The following SORCS3 variants were observed in gnomAD, a reference collection of about 807,000 sequenced individuals.
The protein encoded by SORCS3 is sortilin related VPS10 domain containing receptor 3.
A neutral mutation model predicts 146.3 loss-of-function variants in SORCS3; 57 were observed. The observed-to-expected ratio is 0.39, with a 90% confidence interval of 0.31 to 0.49. SORCS3 has a LOEUF of 0.49. Among genes scored for constraint, SORCS3 ranks in the 20% least tolerant of loss-of-function variants. The probability of loss-of-function intolerance (pLI) is 0.92; values close to 1 mark genes in which losing one functional copy is unlikely to be tolerated. For synonymous variants in SORCS3, 653 were observed against 618.5 expected, an observed-to-expected ratio of 1.06 and a Z score of -0.83; for missense variants, 1,341 against 1,575.5, an observed-to-expected ratio of 0.85 and a Z score of 2.52.
chr10:105,096,131 CAG>C (rs1491413850), intron 6 of SORCS3, among the ~76,000 whole-genome samples: 2 of 133,922 alleles, frequency 1.5e-5, no homozygotes, highest in African/African-American at 2.7e-5. Flanking sequence ...CACACACACA[CAG>C]ACACAAACAA....
intron 2 of SORCS3, among the ~76,000 whole-genome samples, chr10:104,866,681 A>T (rs2133564727): frequency 6.6e-6 from 1 of 152,334 alleles, no homozygotes; most frequent in South Asian, 2.1e-4. Flanking sequence ...AGTGTCTCTT[A>T]TTTGTAAATC....
intron 1 of SORCS3, among the ~76,000 whole-genome samples, chr10:104,694,860 A>G (rs1223411067): frequency 6.6e-6 from 1 of 152,202 alleles, no homozygotes; most frequent in African/African-American, 2.4e-5. Context: ...GAGATTATTG[A>G]TATAAGTGCC....
At chr10:105,007,637 T>A (rs2055104913) in intron 4 of SORCS3, among the ~76,000 whole-genome samples, 1 of 152,092 alleles carries the variant, frequency 6.6e-6, no homozygotes, top group Non-Finnish European at 1.5e-5. Context: ...CAGACCGTTT[T>A]TTCTGAACCC....
intron 16 of SORCS3, among the ~76,000 whole-genome samples, chr10:105,208,862 G>T (rs1466074990): frequency 6.6e-6 from 1 of 152,164 alleles, no homozygotes; most frequent in Non-Finnish European, 1.5e-5. Context: ...GTCAGACTGA[G>T]ATCTCCAGTA....
At chr10:105,245,357 T>A (rs555228208) in intron 20 of SORCS3, among the ~76,000 whole-genome samples, 185 bp from the exon 21 acceptor site, 2 of 152,276 alleles carry the variant, frequency 1.3e-5, no homozygotes, top group Non-Finnish European at 1.5e-5. Context: ...ATAATGTGTT[T>A]CAAGTATACT....
intron 9 of SORCS3, among the ~76,000 whole-genome samples, chr10:105,148,958 G>C (rs1420582923): frequency 2.0e-5 from 3 of 152,080 alleles, no homozygotes; most frequent in Non-Finnish European, 4.4e-5. Flanking sequence ...TTCACATACT[G>C]TTCTCATGAT....
At chr10:105,187,445 C>T (rs2056485504) in intron 14 of SORCS3, among the ~76,000 whole-genome samples, 1 of 152,162 alleles carries the variant, frequency 6.6e-6, no homozygotes, top group East Asian at 1.9e-4. Context: ...AATGGGAAAA[C>T]AATCAGGTGG....
At chr10:105,104,468 C>T (rs552681329) in intron 6 of SORCS3, among the ~76,000 whole-genome samples, 3 of 152,264 alleles carry the variant, frequency 2.0e-5, no homozygotes, top group South Asian at 4.1e-4. Flanking sequence ...CATTCAGCTA[C>T]AGCTGGTACC....
chr10:104,717,998 T>C (rs2016499152), intron 1 of SORCS3, among the ~76,000 whole-genome samples: 1 of 150,634 alleles, frequency 6.6e-6, no homozygotes, highest in Non-Finnish European at 1.5e-5. Context: ...AAAATAAAAT[T>C]AGCCAGGCAT....
chr10:105,026,971 C>T (rs577154253), intron 4 of SORCS3, among the ~76,000 whole-genome samples: 98 of 152,242 alleles, frequency 6.4e-4, no homozygotes, highest in Non-Finnish European at 1.3e-3. Context: ...CCTCCTGAAT[C>T]TAAAAGAAAA....
chr10:104,735,781 A>G (rs1353910843), intron 1 of SORCS3, among the ~76,000 whole-genome samples: 1 of 152,094 alleles, frequency 6.6e-6, no homozygotes, highest in Non-Finnish European at 1.5e-5. Context: ...GACCTGTAGC[A>G]TGGGCTCCAG....
intron 13 of SORCS3, 97 bp from the exon 14 acceptor site, chr10:105,177,969 C>G (rs1446978417): frequency 2.4e-6 from 2 of 839,896 alleles, no homozygotes; most frequent in African/African-American, 1.7e-5. Context: ...TGCCAGAAAG[C>G]AAGATACAGA....
intron 2 of SORCS3, among the ~76,000 whole-genome samples, chr10:104,883,981 G>GC (rs1554856928): frequency 6.6e-6 from 1 of 151,634 alleles, no homozygotes; most frequent in Non-Finnish European, 1.5e-5. Flanking sequence ...GGAATGAGGG[G>GC]GGGGAAAGGG....
intron 15 of SORCS3, among the ~76,000 whole-genome samples, chr10:105,200,738 A>C (rs1212504066): frequency 5.3e-5 from 8 of 152,196 alleles, no homozygotes; most frequent in Non-Finnish European, 1.0e-4. Flanking sequence ...TCTGAAGACC[A>C]TGTGAAAAAT....
intron 4 of SORCS3, 64 bp downstream of exon 4, chr10:104,977,557 C>T (rs1439702255): frequency 1.4e-6 from 2 of 1,429,834 alleles, no homozygotes; most frequent in African/African-American, 2.8e-5. Flanking sequence ...AAATCACTTG[C>T]TTGCTTAATC....
At chr10:105,156,892 A>C (rs1398901608) in intron 9 of SORCS3, among the ~76,000 whole-genome samples, 1 of 151,462 alleles carries the variant, frequency 6.6e-6, no homozygotes, top group Non-Finnish European at 1.5e-5. Flanking sequence ...AGACGAGCAA[A>C]CTGGGAAAAA....
At chr10:104,798,650 A>G (rs543176159) in intron 1 of SORCS3, among the ~76,000 whole-genome samples, 1 of 152,330 alleles carries the variant, frequency 6.6e-6, no homozygotes, top group African/African-American at 2.4e-5. Flanking sequence ...CACTCACCAT[A>G]TAATCTAGTG....
rs188083013 is a variant in SORCS3, at chr10:104,643,478, G to A, written c.627+1524G>A. Among the ~76,000 whole-genome samples, 607 of 152,324 alleles carry A rather than the reference G, an allele frequency of 4.0e-3. 7 individuals carry two copies. The highest frequency in any genetic ancestry group is 0.011 in the African/African-American group (461 of 41,584). On this transcript the variant is annotated intron_variant, in intron 1 of 26. Transcript: ENST00000369701. ...GTGAAGTCCAGCTTCGCAGCAGCGC[G>A]ATGGCGGGCTTCATCTGCCTGGGAT...
At chr10:104,899,571 G>A (rs2018831103) in intron 2 of SORCS3, among the ~76,000 whole-genome samples, 1 of 152,178 alleles carries the variant, frequency 6.6e-6, no homozygotes, top group African/African-American at 2.4e-5. Flanking sequence ...CACCTTGGAT[G>A]AATTGCATGG....
Sources: gnomAD v4.1 joint callset for allele counts (sites outside exome capture counted in the v4.1 genomes callset) on GRCh38, gnomAD v4.1.1 for gene constraint, MANE v1.5 for transcripts, NCBI Gene and HGNC (gene_info 2026-07-23, HGNC 2026-07-21) for gene names.